Variants in SPRED2 observed in about 807,000 individuals in gnomAD.
SPRED2 encodes sprouty-related, EVH1 domain-containing protein 2.
SPRED2 carries 47 observed loss-of-function variants against 43.0 expected under a neutral mutation model. The observed-to-expected ratio is 1.09, with a 90% confidence interval of 0.87 to 1.40. The LOEUF is 1.40. Ranked by LOEUF, SPRED2 falls within the 40% of genes most tolerant of loss-of-function variation. The probability of loss-of-function intolerance (pLI) is 0.00; values close to 1 mark genes in which losing one functional copy is unlikely to be tolerated. For missense variants in SPRED2, 561 were observed against 586.4 expected, an observed-to-expected ratio of 0.96 and a Z score of 0.45; for synonymous variants, 225 against 225.7, an observed-to-expected ratio of 1.00 and a Z score of 0.03.
At chr2:65,324,743 A>G (rs1468906077) in intron 4 of SPRED2, among the ~76,000 whole-genome samples, 2 of 152,154 alleles carry the variant, frequency 1.3e-5, no homozygotes. Flanking sequence ...AGACGAGCTG[A>G]GGAGACAGGT....
At chr2:65,340,090 A>T (rs1199507609) in intron 2 of SPRED2, among the ~76,000 whole-genome samples, 2 of 152,236 alleles carry the variant, frequency 1.3e-5, no homozygotes, top group East Asian at 3.8e-4. Flanking sequence ...GAAAAGTTAT[A>T]CAGTTATTTG....
At position 65,344,860 on chromosome 2, in the gene SPRED2, C is replaced by A. The variant is rs76336053; in HGVS notation, c.63G>T (p.Met21Ile). 1 of 1,614,138 alleles carries A rather than the reference C, an allele frequency of 6.2e-7. No homozygotes were observed. The highest frequency in any genetic ancestry group is 1.1e-5 in the South Asian group (1 of 91,076). ...ATCCCCCGCTGGAGTCATCTCTGGTCATAACCACAGCCTTGACACGCACAA... is the reference window on the plus strand; with the variant it reads ...ATCCCCCGCTGGAGTCATCTCTGGTAATAACCACAGCCTTGACACGCACAA... The part of the protein sequence containing the change: ...SYIVRVKAVV[M>I]TRDDSSGGWF... Residue 21 changes from methionine to isoleucine, a missense_variant, in exon 2 of 6, where the codon ATG becomes ATT. Coordinates refer to ENST00000356388, the MANE Select transcript of SPRED2 (RefSeq NM_181784.3).
chr2:65,325,361 G>C (rs1032245121), intron 4 of SPRED2, among the ~76,000 whole-genome samples: 1 of 152,202 alleles, frequency 6.6e-6, no homozygotes, highest in African/African-American at 2.4e-5. Flanking sequence ...ACTGCTTAAG[G>C]AGCTAGACCA....
intron 1 of SPRED2, among the ~76,000 whole-genome samples, chr2:65,402,304 A>AC (rs1675924063): frequency 7.1e-6 from 1 of 141,016 alleles, no homozygotes; most frequent in Admixed American, 7.5e-5. Flanking sequence ...AAAAAAAAAA[A>AC]ACCAAAAACA....
At chr2:65,371,130 T>C (rs1385964325) in intron 1 of SPRED2, among the ~76,000 whole-genome samples, 4 of 152,016 alleles carry the variant, frequency 2.6e-5, no homozygotes, top group African/African-American at 9.7e-5. Flanking sequence ...CCCAGAAAAA[T>C]GAAGAACGTG....
chr2:65,407,245 C>CTTTTTTTTTTTT lies in SPRED2; in HGVS notation c.26+24705_26+24716dup, dbSNP rs70943650. Among the ~76,000 whole-genome samples, 28 of 120,912 alleles carry CTTTTTTTTTTTT rather than the reference C, an allele frequency of 2.3e-4. 1 individual carries two copies. Among genetic ancestry groups the CTTTTTTTTTTTT allele is most frequent in the African/African-American group, 4.5e-4 (13 of 29,114 alleles). 79.3% of individuals were successfully genotyped at this position (120,912 alleles called of 152,430 possible). On this transcript the variant is annotated intron_variant, in intron 1 of 5. Transcript: ENST00000356388. The stretch of plus-strand genomic sequence containing the variant: ...TCTTTCTCAAATGGGGCGCTGGCTC[C>CTTTTTTTTTTTT]TTTTTTTTTTTTTGCTAAAAGTCCC...
At chr2:65,379,470 C>T (rs1053374764) in intron 1 of SPRED2, among the ~76,000 whole-genome samples, 2 of 152,124 alleles carry the variant, frequency 1.3e-5, no homozygotes, top group East Asian at 1.9e-4. Flanking sequence ...AGGTGGCATA[C>T]TCTGACGAGC....
intron 4 of SPRED2, among the ~76,000 whole-genome samples, chr2:65,320,570 C>T (rs1170740645): frequency 6.6e-6 from 1 of 152,206 alleles, no homozygotes; most frequent in Non-Finnish European, 1.5e-5. Context: ...GGCCAGAAGA[C>T]CTCGAGAGGC....
chr2:65,334,661 G>A lies in SPRED2; in HGVS notation c.317C>T (p.Ala106Val). Residue 106 changes from alanine (A) to valine (V), a missense_variant, in exon 3 of 6, where the codon GCT becomes GTT. Ala to Val is a moderately conservative substitution (Grantham distance 64). Transcript: ENST00000356388. ...RKFGLTFQSP[A>V]DARAFDRGVR... ...TCCCCTGTCAAAGGCTCGGGCATCA[G>A]CAGGGCTTTGGAAAGTAAGTCCAAA... 1.9e-6 allele frequency: 3 copies of A among 1,614,226 alleles called. No homozygotes were observed. The highest frequency in any genetic ancestry group is 2.5e-6 in the Non-Finnish European group (3 of 1,180,036).
chr2:65,383,730 G>C (rs1389717855), intron 1 of SPRED2, among the ~76,000 whole-genome samples: 2 of 152,174 alleles, frequency 1.3e-5, no homozygotes, highest in Non-Finnish European at 2.9e-5. Flanking sequence ...ATAATTTAGG[G>C]CTGGGTAGAT....
intron 2 of SPRED2, among the ~76,000 whole-genome samples, chr2:65,341,515 G>T (rs1430402924): frequency 6.6e-6 from 1 of 152,166 alleles, no homozygotes; most frequent in African/African-American, 2.4e-5. Context: ...GACAGGCTTT[G>T]ATTTTGCAAA....
At chr2:65,310,408 G>A (rs546396754), downstream of SPRED2, among the ~76,000 whole-genome samples, 1 of 151,098 alleles carries the variant, frequency 6.6e-6, no homozygotes, top group African/African-American at 2.4e-5. Flanking sequence ...AGGAGACCAA[G>A]CATCTTGCAG....
At chr2:65,410,858 T>C (rs1032857502) in intron 1 of SPRED2, among the ~76,000 whole-genome samples, 2 of 152,194 alleles carry the variant, frequency 1.3e-5, no homozygotes, top group African/African-American at 4.8e-5. Flanking sequence ...GCAGAGGGTC[T>C]ATCGTGAGAC....
intron 1 of SPRED2, among the ~76,000 whole-genome samples, chr2:65,365,245 AT>A (rs1201146178): frequency 6.6e-6 from 1 of 152,218 alleles, no homozygotes; most frequent in Admixed American, 6.5e-5. Flanking sequence ...GGTGGCTTTC[AT>A]TTATAGAATG....
rs114684610 is a variant in SPRED2, at chr2:65,388,334, T to C, written c.27-43438A>G. ...CTATTAGGGGCCGGGCCAAAGACAT[T>C]ATCAGTGCCCAACAAATGACGGTGA... On this transcript the variant is annotated intron_variant, in intron 1 of 5. Transcript: ENST00000356388. 7.2e-3 allele frequency among the ~76,000 whole-genome samples: 1,089 copies of C among 152,242 alleles called. 14 individuals carry two copies. Among genetic ancestry groups the C allele is most frequent in the African/African-American group, 0.025 (1,052 of 41,552 alleles).
chr2:65,415,184 T>G lies in SPRED2; in HGVS notation c.26+16778A>C, dbSNP rs115627199. 8.9e-3 allele frequency among the ~76,000 whole-genome samples: 1,358 copies of G among 152,362 alleles called. 11 individuals are homozygous for G. Among genetic ancestry groups the G allele is most frequent in the Non-Finnish European group, 0.016 (1,059 of 68,036 alleles). ...TCAGTGGCATTAAGTACATTCACGC[T>G]GTTGTGTAAGACTCTGTCCCATTTT... On this transcript the variant is annotated intron_variant, in intron 1 of 5. Transcript: ENST00000356388.
intron 1 of SPRED2, among the ~76,000 whole-genome samples, chr2:65,424,031 G>A (rs749148484): frequency 2.0e-5 from 3 of 152,030 alleles, no homozygotes; most frequent in Non-Finnish European, 2.9e-5. Context: ...TCAGGTGGTC[G>A]GCCCACCTCG....
At chr2:65,429,503 A>G (rs995679346) in intron 1 of SPRED2, among the ~76,000 whole-genome samples, 1 of 152,254 alleles carries the variant, frequency 6.6e-6, no homozygotes, top group African/African-American at 2.4e-5. Context: ...ACTTAAAGAC[A>G]GTGGCAGCAA....
At chr2:65,369,459 C>T (rs577215671) in intron 1 of SPRED2, among the ~76,000 whole-genome samples, 15 of 152,184 alleles carry the variant, frequency 9.9e-5, no homozygotes, top group African/African-American at 2.4e-4. Context: ...ATAGCATATG[C>T]GATACTTTTC....
Sources: gnomAD v4.1 joint callset for allele counts (sites outside exome capture counted in the v4.1 genomes callset) on GRCh38, gnomAD v4.1.1 for gene constraint, MANE v1.5 for transcripts, NCBI Gene and HGNC (gene_info 2026-07-23, HGNC 2026-07-21) for gene names.